The following PADI4 variants were observed in gnomAD, a reference collection of about 807,000 sequenced individuals.
PADI4 encodes the protein peptidyl arginine deiminase 4, also known as protein-arginine deiminase type-4.
Under a neutral mutation model 75.0 loss-of-function variants are expected in PADI4, and 62 were observed. That is an observed-to-expected ratio of 0.83 (90% confidence interval 0.67 to 1.02). The LOEUF is 1.02. Ranked by LOEUF, PADI4 falls within the 50% of genes least tolerant of loss-of-function variation. PADI4 has a pLI of 0.00. For synonymous variants in PADI4, 361 were observed against 348.1 expected, an observed-to-expected ratio of 1.04 and a Z score of -0.41; for missense variants, 845 against 850.5, an observed-to-expected ratio of 0.99 and a Z score of 0.08.
At chr1:17,347,828 G>A in intron 9 of PADI4, 113 bp from the exon 10 acceptor site, 2 of 559,828 alleles carry the variant, frequency 3.6e-6, no homozygotes, top group East Asian at 3.0e-5. Context: ...ATAGGAATGT[G>A]CCCTTGACTG....
At chr1:17,340,185 C>A (rs141344738) in intron 6 of PADI4, among the ~76,000 whole-genome samples, 2 of 152,170 alleles carry the variant, frequency 1.3e-5, no homozygotes, top group Non-Finnish European at 2.9e-5. Context: ...CAGTGACCCA[C>A]GAGCACCTGC....
At chr1:17,311,429 G>T (rs546533410) in intron 1 of PADI4, among the ~76,000 whole-genome samples, 1 of 152,156 alleles carries the variant, frequency 6.6e-6, no homozygotes, top group Non-Finnish European at 1.5e-5. Context: ...AGGCCTAGAA[G>T]GGGTGGGGGT....
intron 1 of PADI4, among the ~76,000 whole-genome samples, chr1:17,319,330 C>G (rs2073995209): frequency 6.6e-6 from 1 of 152,054 alleles, no homozygotes; most frequent in Non-Finnish European, 1.5e-5. Flanking sequence ...CTTTGGAAGG[C>G]CAAGATGGGA....
At chr1:17,341,728 T>C (rs569991721) in intron 6 of PADI4, among the ~76,000 whole-genome samples, 205 of 152,320 alleles carry the variant, frequency 1.3e-3, no homozygotes, top group African/African-American at 4.8e-3. Flanking sequence ...CAGGCACCCC[T>C]GCCACACCCT....
chr1:17,324,029 G>C (rs1401913616), intron 1 of PADI4, among the ~76,000 whole-genome samples: 3 of 152,030 alleles, frequency 2.0e-5, no homozygotes, highest in Non-Finnish European at 4.4e-5. Flanking sequence ...TTACAGAAAG[G>C]GCTGCTCTGA....
intron 13 of PADI4, among the ~76,000 whole-genome samples, chr1:17,357,900 T>C (rs1388528359): frequency 1.4e-5 from 2 of 139,424 alleles, no homozygotes; most frequent in South Asian, 2.3e-4. Context: ...CACTGCACTC[T>C]AGCCTGGGTG....
Position 17,337,141 on chromosome 1 carries a change from A to T in PADI4, c.409-897A>T, listed in dbSNP as rs548394185. 2.4e-4 allele frequency among the ~76,000 whole-genome samples: 24 copies of T among 100,554 alleles called. No individual in the cohort carries two copies. In the East Asian group the frequency reaches 6.7e-3, roughly 28 times the overall value. The allele number at this position is 100,554 out of a possible 152,430, so 66.0% of individuals were successfully genotyped here. A position where few individuals can be genotyped will look rare whatever the true frequency, so the allele number is the denominator to read the frequency against. ...AGCTCAACATTTTATTTATTTATTT[A>T]TGTATTTATGTATTTATTTATTTAT... On this transcript the variant is annotated intron_variant, in intron 4 of 15. Transcript: ENST00000375448.
intron 10 of PADI4, 182 bp downstream of exon 10, chr1:17,348,230 G>T: frequency 2.0e-6 from 1 of 494,758 alleles, no homozygotes; most frequent in Non-Finnish European, 3.6e-6. Flanking sequence ...ACCAAGATAA[G>T]ATCTGGCTCT....
intron 1 of PADI4, among the ~76,000 whole-genome samples, chr1:17,309,851 G>C (rs532599044): frequency 6.6e-6 from 1 of 152,360 alleles, no homozygotes; most frequent in East Asian, 1.9e-4. Flanking sequence ...GAGAATGGGT[G>C]TGAAGGAAAT....
intron 15 of PADI4, among the ~76,000 whole-genome samples, chr1:17,360,136 C>T (rs947861350): frequency 6.6e-6 from 1 of 152,068 alleles, no homozygotes; most frequent in African/African-American, 2.4e-5. Flanking sequence ...ACTAAAAATA[C>T]GAAAATTAGA....
intron 8 of PADI4, 31 bp from the exon 9 acceptor site, chr1:17,345,997 C>T: frequency 2.2e-6 from 3 of 1,381,262 alleles, no homozygotes; most frequent in Non-Finnish European, 3.1e-6. Flanking sequence ...AATTCCAGAG[C>T]ACTAAGGAGC....
Position 17,330,961 on chromosome 1 carries a change from G to A in PADI4, c.93-8G>A. ...CATCCTCTGCTTTCCCATGTGTCTT[G>A]TCCACAGCTCTGCCCCTGAGGACTG... is the stretch of plus-strand genomic sequence containing the variant. On this transcript the variant is annotated splice_region_variant and splice_polypyrimidine_tract_variant and intron_variant, in intron 1 of 15. Coordinates refer to ENST00000375448, the MANE Select transcript of PADI4 (RefSeq NM_012387.3). The A allele has an allele frequency of 1.3e-6, 2 of 1,541,940 alleles. No homozygotes were observed. The highest frequency in any genetic ancestry group is 2.2e-5 in the Admixed American group (1 of 44,812).
intron 3 of PADI4, among the ~76,000 whole-genome samples, chr1:17,335,409 G>C (rs2074292095): frequency 6.6e-6 from 1 of 152,138 alleles, no homozygotes; most frequent in Non-Finnish European, 1.5e-5. Flanking sequence ...CATGCAATTG[G>C]TTAGTGAAGG....
chr1:17,335,045 A>T (rs2074285813), intron 3 of PADI4, among the ~76,000 whole-genome samples: 1 of 152,120 alleles, frequency 6.6e-6, no homozygotes, highest in Non-Finnish European at 1.5e-5. Context: ...CAAGAGGCTG[A>T]TGTGGGAGGA....
intron 3 of PADI4, among the ~76,000 whole-genome samples, chr1:17,335,445 G>T (rs867886941): frequency 6.6e-6 from 1 of 152,186 alleles, no homozygotes; most frequent in African/African-American, 2.4e-5. Context: ...GCCACGAAAG[G>T]ACAATGCTTC....
chr1:17,360,532 C>T (rs1635561), intron 15 of PADI4, among the ~76,000 whole-genome samples: 36,310 of 152,010 alleles, frequency 0.24, 4,470 homozygotes, highest in Middle Eastern at 0.35. Context: ...TCTATACAGG[C>T]TTGCATGGCC....
At chr1:17,337,534 G>A (rs995958527) in intron 4 of PADI4, among the ~76,000 whole-genome samples, 1 of 152,134 alleles carries the variant, frequency 6.6e-6, no homozygotes, top group Non-Finnish European at 1.5e-5. Flanking sequence ...GAATTTGGTT[G>A]TGACTTTTGG....
intron 1 of PADI4, among the ~76,000 whole-genome samples, chr1:17,320,917 T>A (rs1381981303): frequency 6.6e-6 from 1 of 152,188 alleles, no homozygotes; most frequent in Admixed American, 6.5e-5. Context: ...CACTTGTGGT[T>A]ACATTGGGCC....
rs1327112790 is a variant in PADI4, at chr1:17,338,018, T to A, written c.409-20T>A. ...CTCTATGCTAGTTTCTGAGCATGAC[T>A]CTTCCCTGCTGGTGTCCAGAGGACC... On this transcript the variant is annotated intron_variant, in intron 4 of 15. Coordinates refer to ENST00000375448, the MANE Select transcript of PADI4 (RefSeq NM_012387.3). 5 of 1,493,722 alleles carry A rather than the reference T, an allele frequency of 3.3e-6. No individual in the cohort carries two copies. Among genetic ancestry groups the A allele is most frequent in the Non-Finnish European group, 4.7e-6 (5 of 1,070,108 alleles). 92.5% of individuals were successfully genotyped at this position (1,493,722 alleles called of 1,614,324 possible).
Sources: gnomAD v4.1 joint callset for allele counts (sites outside exome capture counted in the v4.1 genomes callset) on GRCh38, gnomAD v4.1.1 for gene constraint, MANE v1.5 for transcripts, NCBI Gene and HGNC (gene_info 2026-07-23, HGNC 2026-07-21) for gene names.